Variants in SMC4 observed in about 807,000 individuals in gnomAD.
SMC4 encodes structural maintenance of chromosomes 4, also known as structural maintenance of chromosomes protein 4.
In SMC4, 87 loss-of-function variants were observed where a neutral mutation model predicts 145.6. The ratio of observed to expected loss-of-function variants is 0.60; its 90% CI spans 0.50 to 0.71. SMC4 has a LOEUF of 0.71. Ranked by LOEUF, SMC4 falls within the 30% of genes least tolerant of loss-of-function variation. SMC4 has a pLI of 0.00. For missense variants in SMC4, 1,447 were observed against 1,537.1 expected, an observed-to-expected ratio of 0.94 and a Z score of 0.98; for synonymous variants, 558 against 500.7, an observed-to-expected ratio of 1.11 and a Z score of -1.53.
intron 9 of SMC4, among the ~76,000 whole-genome samples, chr3:160,415,465 C>T (rs751117378): frequency 5.3e-5 from 8 of 151,392 alleles, no homozygotes; most frequent in African/African-American, 9.7e-5. Context: ...ACCCCAGCCC[C>T]GCAAAAAAAA....
At chr3:160,412,156 G>T in intron 6 of SMC4, 72 bp downstream of exon 6, 1 of 1,520,070 alleles carries the variant, frequency 6.6e-7, no homozygotes, top group East Asian at 2.3e-5. Context: ...TAGTAAGTCA[G>T]ATATTCATGT....
Position 160,412,866 on chromosome 3 carries a change from T to G in SMC4, c.980+413T>G. ...AGTTGGGAGGTAGGTTCACAGGTAT[T>G]TATTACTGTACTCAGTCCTTTTACG... On this transcript the variant is annotated intron_variant, in intron 7 of 23. Transcript: ENST00000357388. 4 of 955,272 alleles carry G rather than the reference T, an allele frequency of 4.2e-6. No homozygotes were observed. In the South Asian group the frequency reaches 1.8e-4, roughly 43 times the overall value. The allele number at this position is 955,272 out of a possible 1,614,324, so 59.2% of individuals were successfully genotyped here.
chr3:160,412,290 G>A (rs367924395), intron 6 of SMC4, 36 bp from the exon 7 acceptor site: 1 of 1,554,034 alleles, frequency 6.4e-7, no homozygotes, highest in Non-Finnish European at 8.8e-7. Flanking sequence ...TACATATGAA[G>A]TGTGTATTCA....
chr3:160,425,890 A>G (rs759801603), intron 16 of SMC4, among the ~76,000 whole-genome samples, 184 bp from the exon 17 acceptor site: 3 of 152,204 alleles, frequency 2.0e-5, no homozygotes, highest in Admixed American at 6.5e-5. Flanking sequence ...ACGTGTCTTT[A>G]TAATGAGCTT....
At position 160,413,545 on chromosome 3, in the gene SMC4, TA is replaced by T; in HGVS notation, c.1055del (p.Asn352MetfsTer11). 6.4e-7 allele frequency: 1 copy of T among 1,561,360 alleles called. No homozygotes were observed. Among genetic ancestry groups the T allele is most frequent in the Non-Finnish European group, 8.7e-7 (1 of 1,148,002 alleles). Reference sequence around the variant, plus strand: ...AAATTCATGAAGATACCAAAGAAATTAATGAGAAGAGCAATATACTATCAAA... The same window carrying T: ...AAATTCATGAAGATACCAAAGAAATTATGAGAAGAGCAATATACTATCAAA... ...EKIHEDTKEI[N>X]EKSNILSNEM... is the part of the protein sequence containing the mutation. On this transcript the variant is annotated frameshift_variant, in exon 8 of 24. Coordinates refer to ENST00000357388, the MANE Select transcript of SMC4 (RefSeq NM_001002800.3). LOFTEE classifies it high-confidence loss of function.
rs1716932489 is a variant in SMC4, at chr3:160,419,425, T to G, written c.1739T>G (p.Phe580Cys). The change falls in exon 12 of 24, where the codon TTT (phenylalanine) becomes TGT (cysteine). Residue 580 changes from phenylalanine (F) to cysteine (C), a missense_variant. Physicochemically the swap from Phe to Cys is radical, Grantham distance 205. Transcript: ENST00000357388. ...TNFKSLVHDL[F>C]QKVEEAKSSL... ...TTTAAAAGTTTGGTTCATGATCTCT[T>G]TCAAAAAGTTGAAGAAGCAAAGAGC... 9 of 1,612,448 alleles carry G rather than the reference T, an allele frequency of 5.6e-6. No individual in the cohort carries two copies. The South Asian group carries it at 8.8e-5, about 16-fold the overall frequency.
chr3:160,408,114 CAT>C (rs1256332886), intron 5 of SMC4, among the ~76,000 whole-genome samples: 4 of 152,138 alleles, frequency 2.6e-5, no homozygotes, highest in African/African-American at 9.7e-5. Context: ...TGCAAACACT[CAT>C]ATTTGCTGTA....
At chr3:160,432,756 G>A (rs1577001873) in intron 22 of SMC4, 2 of 525,154 alleles carry the variant, frequency 3.8e-6, no homozygotes, top group South Asian at 3.1e-5. Context: ...TTAACATGAG[G>A]ATTGAGAAAT....
At chr3:160,433,412 A>G (rs1718633689) in intron 23 of SMC4, 1 of 540,496 alleles carries the variant, frequency 1.9e-6, no homozygotes, top group Admixed American at 3.6e-5. Flanking sequence ...AATATAAATT[A>G]AAAATGCAAA....
In SMC4 at chr3:160,411,904, T is replaced by C. The variant is rs200665960; in HGVS notation, c.688-16T>C. The C allele has an allele frequency of 3.5e-5, 56 of 1,608,980 alleles. No homozygotes were observed. Among genetic ancestry groups the C allele is most frequent in the Non-Finnish European group, 3.9e-5 (46 of 1,177,516 alleles). ...AAACATACACAGTGAGTATGAAATA[T>C]AACTTTTTTTTAAAGGGTGAAGTTG... On this transcript the variant is annotated splice_polypyrimidine_tract_variant and intron_variant, in intron 5 of 23. Transcript: ENST00000357388.
At position 160,414,424 on chromosome 3, in the gene SMC4, A is replaced by G. The variant is rs1716375196; in HGVS notation, c.1179A>G (p.Leu393=). 1.9e-6 allele frequency: 3 copies of G among 1,609,742 alleles called. No homozygotes were observed. The highest frequency in any genetic ancestry group is 2.5e-6 in the Non-Finnish European group (3 of 1,177,982). The change falls in exon 9 of 24, where the codon CTA becomes CTG. Residue 393 remains leucine (L), a synonymous_variant. Coordinates refer to ENST00000357388, the MANE Select transcript of SMC4 (RefSeq NM_001002800.3). ...AGAATAAAGAAAAATTTACACAGCT[A>G]GATTTGGAAGATGTTCAAGTTAGAG... ...IEENKEKFTQ[L]DLEDVQVREK... is the part of the protein sequence containing the mutation.
intron 12 of SMC4, 103 bp downstream of exon 12, chr3:160,419,646 A>G (rs1396341207): frequency 9.5e-7 from 1 of 1,053,160 alleles, no homozygotes; most frequent in African/African-American, 1.7e-5. Flanking sequence ...ACTGTATATA[A>G]AATAAGATTC....
In SMC4 at chr3:160,419,554, T is replaced by G; in HGVS notation, c.1857+11T>G. The G allele has an allele frequency of 6.4e-7, 1 of 1,574,306 alleles. No homozygotes were observed. Among genetic ancestry groups the G allele is most frequent in the Non-Finnish European group, 8.6e-7 (1 of 1,169,224 alleles). ...ATATATGGAAGATTGGTAAAGTAGA[T>G]TTTTGGGGGGCATGGCTTTACTTTT... On this transcript the variant is annotated intron_variant, in intron 12 of 23. Coordinates refer to ENST00000357388, the MANE Select transcript of SMC4 (RefSeq NM_001002800.3).
rs1049301970 is a variant in SMC4 at position 160,412,185 on chromosome 3, AGT to A, written c.852+104_852+105del. 6.3e-6 allele frequency: 9 copies of A among 1,433,694 alleles called. No individual in the cohort carries two copies. The African/African-American group carries it at 1.3e-4, about 21-fold the overall frequency. The allele number at this position is 1,433,694 out of a possible 1,614,324, so 88.8% of individuals were successfully genotyped here. Reference sequence around the variant, plus strand: ...TTCATGTTATAATACTTAATGAAGAAGTGTTATATTGAAATTTATATCTTAAC... The same window carrying A: ...TTCATGTTATAATACTTAATGAAGAAGTTATATTGAAATTTATATCTTAAC... On this transcript the variant is annotated intron_variant, in intron 6 of 23. Coordinates refer to ENST00000357388, the MANE Select transcript of SMC4 (RefSeq NM_001002800.3).
At chr3:160,414,116 A>G in intron 8 of SMC4, 1 of 495,546 alleles carries the variant, frequency 2.0e-6, no homozygotes, top group Non-Finnish European at 3.9e-6. Flanking sequence ...TTATATACCT[A>G]GACATTGTAG....
intron 2 of SMC4, 148 bp downstream of exon 2, chr3:160,401,113 T>G: frequency 8.7e-7 from 1 of 1,146,578 alleles, no homozygotes; most frequent in Non-Finnish European, 1.1e-6. Flanking sequence ...GAAAGCCATT[T>G]GGCAACTTTG....
intron 1 of SMC4, 187 bp from the exon 2 acceptor site, chr3:160,400,635 T>A (rs1714473188): frequency 3.1e-6 from 2 of 653,148 alleles, no homozygotes; most frequent in African/African-American, 1.9e-5. Flanking sequence ...TAGGTCTTGT[T>A]AAGAAACCAG....
intron 8 of SMC4, 95 bp from the exon 9 acceptor site, chr3:160,414,272 G>C: frequency 9.9e-7 from 1 of 1,005,174 alleles, no homozygotes; most frequent in Non-Finnish European, 1.6e-6. Flanking sequence ...TAAGAGCCTG[G>C]ACATATTTAT....
intron 23 of SMC4, 38 bp downstream of exon 23, chr3:160,433,247 T>G: frequency 6.9e-7 from 1 of 1,440,300 alleles, no homozygotes; most frequent in Non-Finnish European, 9.7e-7. Flanking sequence ...CCAGAAACTT[T>G]TAGGGGTATC....
Sources: gnomAD v4.1 joint callset for allele counts (sites outside exome capture counted in the v4.1 genomes callset) on GRCh38, gnomAD v4.1.1 for gene constraint, MANE v1.5 for transcripts, NCBI Gene and HGNC (gene_info 2026-07-23, HGNC 2026-07-21) for gene names.